EYS: variants seen among roughly 807,000 people sequenced by gnomAD.
EYS encodes the protein EGF-like photoreceptor maintenance factor.
In EYS, 250 loss-of-function variants were observed where a neutral mutation model predicts 282.1. The ratio of observed to expected loss-of-function variants is 0.89; its 90% CI spans 0.80 to 0.98. The LOEUF is 0.98. Among genes scored for constraint, EYS ranks in the 50% least tolerant of loss-of-function variants. The pLI is 0.00. For missense variants in EYS, 4,016 were observed against 3,709.0 expected (o/e 1.08, Z -2.15); for synonymous variants, 1,355 against 1,282.9 (o/e 1.06, Z -1.20).
intron 13 of EYS, among the ~76,000 whole-genome samples, chr6:65,032,245 G>C: frequency 6.6e-6 from 1 of 152,112 alleles, no homozygotes; most frequent in East Asian, 1.9e-4. Context: ...AATTGAATCA[G>C]AAAAGCCTAC....
At chr6:65,120,383 A>G (rs1360381457) in intron 12 of EYS, among the ~76,000 whole-genome samples, 1 of 149,514 alleles carries the variant, frequency 6.7e-6, no homozygotes, top group Non-Finnish European at 1.5e-5. Context: ...TCTCTTACAC[A>G]TCACATATGT....
At chr6:65,344,207 T>A (rs1770310721) in intron 9 of EYS, 30 bp from the exon 10 acceptor site, 7 of 1,548,584 alleles carry the variant, frequency 4.5e-6, no homozygotes, top group Non-Finnish European at 5.3e-6. Flanking sequence ...AAAAATTAAA[T>A]AAACTCTTAC....
rs1002515030 is a variant in EYS, at chr6:65,442,732, T to C, written c.863-37365A>G. On this transcript the variant is annotated intron_variant, in intron 5 of 42. Coordinates refer to ENST00000503581, the MANE Select transcript of EYS (RefSeq NM_001142800.2). ...TTGTGCCACTGCACTCCAGGCTGGG[T>C]GACAGAGCGAGACTCCATCTCAAAA... Among the ~76,000 whole-genome samples the C allele has an allele frequency of 2.4e-4, 36 of 150,626 alleles. 1 individual carries two copies. The highest frequency in any genetic ancestry group is 8.6e-4 in the African/African-American group (35 of 40,906).
At chr6:65,501,552 T>C (rs891687552) in intron 2 of EYS, among the ~76,000 whole-genome samples, 1 of 151,810 alleles carries the variant, frequency 6.6e-6, no homozygotes, top group African/African-American at 2.4e-5. Context: ...GAAAGAAACA[T>C]CAATATATTG....
rs1199455964 is a variant in EYS at position 65,550,159 on chromosome 6, T to C, written c.-332-54166A>G. On this transcript the variant is annotated intron_variant, in intron 2 of 42. Transcript: ENST00000503581. The stretch of plus-strand genomic sequence containing the variant: ...CTACTATATCTTTTTTTTTTTTTTT[T>C]TTTTTTTTTTTTTTTTTTTTTTTTT... Among the ~76,000 whole-genome samples, 9 of 8,858 alleles carry C rather than the reference T, an allele frequency of 1.0e-3. 2 individuals carry two copies. Among genetic ancestry groups the C allele is most frequent in the East Asian group, 8.5e-3 (1 of 118 alleles). The allele number at this position is 8,858 out of a possible 152,430, so 5.8% of individuals were successfully genotyped here.
chr6:64,495,901 T>G (rs1776874923), intron 26 of EYS, among the ~76,000 whole-genome samples: 2 of 151,896 alleles, frequency 1.3e-5, no homozygotes, highest in Non-Finnish European at 2.9e-5. Context: ...AGATTTTTAT[T>G]TTCTCTTCAA....
chr6:64,492,968 C>T (rs546404033), intron 26 of EYS, among the ~76,000 whole-genome samples: 13 of 151,228 alleles, frequency 8.6e-5, no homozygotes, highest in East Asian at 3.9e-4. Flanking sequence ...CAAGTAAATT[C>T]GAAAGCATTG....
intron 28 of EYS, among the ~76,000 whole-genome samples, chr6:64,431,233 T>C (rs915794790): frequency 1.3e-5 from 2 of 152,152 alleles, no homozygotes; most frequent in Non-Finnish European, 2.9e-5. Context: ...GGCTGTCTTC[T>C]GTCTTCATGG....
chr6:65,180,390 C>G (rs1765346240), intron 12 of EYS, among the ~76,000 whole-genome samples: 1 of 152,102 alleles, frequency 6.6e-6, no homozygotes, highest in Admixed American at 6.6e-5. Flanking sequence ...GCAAAAATCA[C>G]AAGCATTCTT....
At chr6:64,482,705 T>C (rs1304931102) in intron 26 of EYS, among the ~76,000 whole-genome samples, 1 of 151,726 alleles carries the variant, frequency 6.6e-6, no homozygotes, top group Non-Finnish European at 1.5e-5. Flanking sequence ...AACACAGAAA[T>C]TGTATTTTAG....
chr6:64,429,694 TAG>T (rs772869404), intron 28 of EYS, among the ~76,000 whole-genome samples: 25 of 152,110 alleles, frequency 1.6e-4, no homozygotes, highest in Non-Finnish European at 3.4e-4. Flanking sequence ...CTGGCCTATA[TAG>T]GTTACATTTT....
At chr6:64,989,394 AAT>A (rs60684321) in intron 14 of EYS, among the ~76,000 whole-genome samples, 39,493 of 69,680 alleles carry the variant, frequency 0.57, 13,472 homozygotes, top group Admixed American at 0.69. Flanking sequence ...GGCTAGCTGT[AAT>A]ATATATATAT....
chr6:65,676,995 T>C (rs1170766936), intron 1 of EYS, among the ~76,000 whole-genome samples: 1 of 144,538 alleles, frequency 6.9e-6, no homozygotes, highest in South Asian at 2.2e-4. Context: ...TTGACAAAAC[T>C]CAGCACTGAT....
At chr6:64,146,063 C>G (rs1045601481) in intron 31 of EYS, among the ~76,000 whole-genome samples, 1 of 152,024 alleles carries the variant, frequency 6.6e-6, no homozygotes, top group Non-Finnish European at 1.5e-5. Flanking sequence ...CAGTTTTCCT[C>G]GTGTTGTATA....
chr6:65,554,261 G>A (rs1278357682), intron 2 of EYS, among the ~76,000 whole-genome samples: 3 of 152,142 alleles, frequency 2.0e-5, no homozygotes, highest in Non-Finnish European at 4.4e-5. Context: ...CCTTTCCTGT[G>A]AGGGTTTTTC....
chr6:64,677,501 A>G (rs1453063542), intron 22 of EYS, among the ~76,000 whole-genome samples: 1 of 152,176 alleles, frequency 6.6e-6, no homozygotes, highest in Non-Finnish European at 1.5e-5. Context: ...TTCATAAAAT[A>G]TTACATCAAG....
intron 22 of EYS, among the ~76,000 whole-genome samples, chr6:64,662,771 T>A (rs1022366693): frequency 6.6e-6 from 1 of 152,196 alleles, no homozygotes; most frequent in African/African-American, 2.4e-5. Context: ...TTTTGTTTTA[T>A]AAATGAGAAT....
intron 26 of EYS, among the ~76,000 whole-genome samples, chr6:64,476,054 G>A (rs1416437703): frequency 6.6e-6 from 1 of 152,138 alleles, no homozygotes; most frequent in Non-Finnish European, 1.5e-5. Flanking sequence ...GCCTCCCAAA[G>A]TGCTAGGATT....
At chr6:64,931,741 G>A (rs1768730599) in intron 15 of EYS, among the ~76,000 whole-genome samples, 1 of 152,054 alleles carries the variant, frequency 6.6e-6, no homozygotes, top group African/African-American at 2.4e-5. Flanking sequence ...CCATAACCCT[G>A]AGACATTACT....
Sources: gnomAD v4.1 joint callset for allele counts (sites outside exome capture counted in the v4.1 genomes callset) on GRCh38, gnomAD v4.1.1 for gene constraint, MANE v1.5 for transcripts, NCBI Gene and HGNC (gene_info 2026-07-23, HGNC 2026-07-21) for gene names.